The following C6orf52 variants were observed in gnomAD, a reference collection of about 807,000 sequenced individuals.
C6orf52 encodes chromosome 6 open reading frame 52.
Under a neutral mutation model 16.6 loss-of-function variants are expected in C6orf52, and 16 were observed. The ratio of observed to expected loss-of-function variants is 0.96; its 90% confidence interval spans 0.65 to 1.46. C6orf52 has a LOEUF of 1.46. C6orf52 is among the 40% of genes most tolerant of loss of function. The pLI, the probability that C6orf52 is intolerant of heterozygous loss-of-function variation, is 0.00. For missense variants in C6orf52, 166 were observed against 182.3 expected, an observed-to-expected ratio of 0.91 and a Z score of 0.52; for synonymous variants, 53 against 61.4, an observed-to-expected ratio of 0.86 and a Z score of 0.64.
chr6:10,679,608 G>A (rs1455068256), intron 4 of C6orf52, among the ~76,000 whole-genome samples: 2 of 150,758 alleles, frequency 1.3e-5, no homozygotes, highest in Non-Finnish European at 2.9e-5. Flanking sequence ...AGTCTCTGTG[G>A]AACATAATAA....
chr6:10,671,804 A>G (rs1187478381), intron 4 of C6orf52, among the ~76,000 whole-genome samples: 2 of 152,238 alleles, frequency 1.3e-5, no homozygotes, highest in Non-Finnish European at 2.9e-5. Flanking sequence ...ATCAAACTCA[A>G]TGAGCATCCA....
chr6:10,683,348 A>C, intron 3 of C6orf52, 116 bp from the exon 4 acceptor site: 1 of 607,632 alleles, frequency 1.6e-6, no homozygotes, highest in Non-Finnish European at 2.9e-6. Flanking sequence ...TAAAAATAAT[A>C]TTGACAATTA....
chr6:10,677,071 T>C (rs1436328738), intron 4 of C6orf52, among the ~76,000 whole-genome samples: 1 of 152,226 alleles, frequency 6.6e-6, no homozygotes, highest in Admixed American at 6.5e-5. Flanking sequence ...TTTGAGGTCA[T>C]ATCCAAAAAA....
chr6:10,674,043 C>T (rs959876065), intron 4 of C6orf52, among the ~76,000 whole-genome samples: 3 of 152,070 alleles, frequency 2.0e-5, no homozygotes, highest in Admixed American at 6.5e-5. Context: ...TTCTGGAAAC[C>T]GGAAGTCCAA....
At chr6:10,681,378 C>A (rs1768377988) in intron 4 of C6orf52, among the ~76,000 whole-genome samples, 3 of 151,934 alleles carry the variant, frequency 2.0e-5, no homozygotes, top group South Asian at 4.2e-4. Context: ...TTAAAGAAAC[C>A]AACCCTTCAT....
At chr6:10,694,727 C>T (rs907305114), upstream of C6orf52, 5 of 386,246 alleles carry the variant, frequency 1.3e-5, no homozygotes, top group South Asian at 1.8e-4. Flanking sequence ...CCTGCTTGCC[C>T]CCGATTTTTT....
chr6:10,674,466 A>G (rs2127459678), intron 4 of C6orf52, among the ~76,000 whole-genome samples: 1 of 152,298 alleles, frequency 6.6e-6, no homozygotes, highest in African/African-American at 2.4e-5. Context: ...TTAAATTTCT[A>G]TGTGTTTCAA....
Position 10,671,594 on chromosome 6 carries a change from T to C in C6orf52, c.321A>G (p.Pro107=), listed in dbSNP as rs925037349. Residue 107 remains proline, a synonymous_variant, in exon 5 of 5, where the codon CCA becomes CCG. Coordinates refer to ENST00000259983, the MANE Select transcript of C6orf52 (RefSeq NM_001145020.3). Reference sequence around the variant, plus strand: ...ATTCCTCAATATTCAAATGAAGATGTGGATCTGCAGAAGCCAATAATGGAT... The same window carrying C: ...ATTCCTCAATATTCAAATGAAGATGCGGATCTGCAGAAGCCAATAATGGAT... ...ENQDEDPLED[P]HLHLNIEESN... 8.4e-6 allele frequency: 13 copies of C among 1,540,414 alleles called. No individual in the cohort carries two copies. Among genetic ancestry groups the C allele is most frequent in the Admixed American group, 2.0e-5 (1 of 49,378 alleles).
intron 1 of C6orf52, among the ~76,000 whole-genome samples, chr6:10,692,186 A>T (rs1769375941): frequency 6.6e-6 from 1 of 152,170 alleles, no homozygotes; most frequent in Non-Finnish European, 1.5e-5. Flanking sequence ...TGAGGGTGTA[A>T]CACTTTTGCA....
At chr6:10,692,179 G>C (rs1195539797) in intron 1 of C6orf52, among the ~76,000 whole-genome samples, 1 of 152,132 alleles carries the variant, frequency 6.6e-6, no homozygotes, top group Non-Finnish European at 1.5e-5. Context: ...TTGTGGATGA[G>C]GGTGTAACAC....
At chr6:10,683,137 C>A in intron 4 of C6orf52, 50 bp downstream of exon 4, 2 of 1,256,542 alleles carry the variant, frequency 1.6e-6, no homozygotes, top group Non-Finnish European at 2.2e-6. Flanking sequence ...AATGAGAAAC[C>A]AGGAAATGGG....
At chr6:10,687,716 T>A (rs573575418) in intron 1 of C6orf52, among the ~76,000 whole-genome samples, 155 bp from the exon 2 acceptor site, 28 of 152,290 alleles carry the variant, frequency 1.8e-4, no homozygotes, top group African/African-American at 6.3e-4. Context: ...ATTGCTTGAC[T>A]TTCCTGACAA....
chr6:10,679,981 A>G (rs1362354325), intron 4 of C6orf52, among the ~76,000 whole-genome samples: 1 of 152,252 alleles, frequency 6.6e-6, no homozygotes. Flanking sequence ...CACCAAGCGC[A>G]GTTGCTCATG....
intron 1 of C6orf52, among the ~76,000 whole-genome samples, chr6:10,688,452 AATGTATTTAC>A (rs1338804925): frequency 6.6e-6 from 1 of 152,200 alleles, no homozygotes. Context: ...CTAAGTTCTT[AATGTATTTAC>A]TATTTACCTG....
intron 4 of C6orf52, among the ~76,000 whole-genome samples, chr6:10,673,943 A>G (rs1414016246): frequency 6.6e-6 from 1 of 152,228 alleles, no homozygotes; most frequent in African/African-American, 2.4e-5. Context: ...GCATGTTGGA[A>G]TAATATCTTG....
intron 1 of C6orf52, among the ~76,000 whole-genome samples, chr6:10,691,441 C>G (rs1581567485): frequency 1.3e-5 from 2 of 152,064 alleles, no homozygotes; most frequent in Admixed American, 6.5e-5. Flanking sequence ...GTAATTAGAA[C>G]GGAACAGAAC....
intron 1 of C6orf52, among the ~76,000 whole-genome samples, chr6:10,691,281 T>C (rs1045109711): frequency 1.3e-5 from 2 of 152,168 alleles, no homozygotes; most frequent in African/African-American, 4.8e-5. Context: ...GGCCGGGATC[T>C]TCGGCAAGAC....
chr6:10,672,655 A>AT (rs926309630), intron 4 of C6orf52: 30 of 676,460 alleles, frequency 4.4e-5, no homozygotes, highest in African/African-American at 3.3e-4. Flanking sequence ...TATAAAAATA[A>AT]TTTTTTTTAA....
rs78623750 is a variant in C6orf52, at chr6:10,693,176, G to A, written c.-12+1318C>T. Among the ~76,000 whole-genome samples the A allele has an allele frequency of 5.7e-3, 874 of 152,234 alleles. 8 individuals carry two copies. Among genetic ancestry groups the A allele is most frequent in the African/African-American group, 0.02 (829 of 41,540 alleles). On this transcript the variant is annotated intron_variant, in intron 1 of 4. Transcript: ENST00000259983. ...AAATCGGGTATCAGTTTAAGATTATGAGGTCCAGCCCCAGCCAACGGATGC... is the reference window on the plus strand; with the variant it reads ...AAATCGGGTATCAGTTTAAGATTATAAGGTCCAGCCCCAGCCAACGGATGC...
Sources: allele counts gnomAD v4.1 joint callset (sites outside exome capture counted in the v4.1 genomes callset), GRCh38; gene constraint gnomAD v4.1.1; transcripts MANE v1.5; gene names NCBI Gene and HGNC (gene_info 2026-07-23, HGNC 2026-07-21).